CENPP: variants seen among roughly 807,000 people sequenced by gnomAD.
CENPP encodes the protein centromere protein P.
In CENPP, 24 loss-of-function variants were observed where a neutral mutation model predicts 35.6. The ratio of observed to expected loss-of-function variants is 0.67; its 90% CI spans 0.49 to 0.95. The LOEUF (loss-of-function observed/expected upper bound fraction) is 0.95. Among genes scored for constraint, CENPP ranks in the 40% least tolerant of loss-of-function variants. The pLI, the probability that CENPP is intolerant of heterozygous loss-of-function variation, is 0.00. For missense variants in CENPP, 332 were observed against 345.3 expected, an observed-to-expected ratio of 0.96 and a Z score of 0.31; for synonymous variants, 120 against 125.5, an observed-to-expected ratio of 0.96 and a Z score of 0.29.
Position 92,613,038 on chromosome 9 carries a change from C to T in CENPP, c.756C>T (p.Asn252=), listed in dbSNP as rs199612866. The T allele has an allele frequency of 6.2e-7, 1 of 1,614,160 alleles. No homozygotes were observed. Reference sequence around the variant, plus strand: ...TTATAGCCCTGGAGCTGGACAAGAACAGAGCCATAGAAACTGCTCCTCTCA... The same window carrying T: ...TTATAGCCCTGGAGCTGGACAAGAATAGAGCCATAGAAACTGCTCCTCTCA... The part of the protein sequence containing the change: ...VPQRALELDK[N]RAIETAPLSF... The change falls in exon 8 of 8, where the codon AAC becomes AAT. Residue 252 remains asparagine (N), a synonymous_variant. Transcript: ENST00000375587.
intron 5 of CENPP, among the ~76,000 whole-genome samples, chr9:92,447,046 C>T (rs1844569875): frequency 6.6e-6 from 1 of 152,090 alleles, no homozygotes; most frequent in South Asian, 2.1e-4. Flanking sequence ...GAATGAGTTG[C>T]TTGCATGATT....
rs1202835632 is a variant in CENPP, at chr9:92,497,449, AC to A, written c.565-113861del. 3.3e-5 allele frequency among the ~76,000 whole-genome samples: 5 copies of A among 151,708 alleles called. No homozygotes were observed. In the East Asian group the frequency reaches 5.8e-4, roughly 18 times the overall value. ...AGACCAGCCTGACCAACATGGAGAA[AC>A]CCCGTCTCTACTGAAAATACAAAAT... On this transcript the variant is annotated intron_variant, in intron 5 of 7. Coordinates refer to ENST00000375587, the MANE Select transcript of CENPP (RefSeq NM_001012267.3).
chr9:92,451,647 A>G (rs564507908), intron 5 of CENPP, among the ~76,000 whole-genome samples: 4,974 of 152,114 alleles, frequency 0.033, 118 homozygotes, highest in Non-Finnish European at 0.048. Context: ...AGTCATTGGT[A>G]GCTTGATGGG....
In CENPP at chr9:92,350,161, G is replaced by A. The variant is rs75849743; in HGVS notation, c.467+4374G>A. On this transcript the variant is annotated intron_variant, in intron 4 of 7. Transcript: ENST00000375587. ...TTATCCTAAATTTCTCTTTGTGTTC[G>A]CTTTATACTTGAGAAGGAGACATTT... Among the ~76,000 whole-genome samples the A allele has an allele frequency of 7.4e-3, 1,127 of 152,156 alleles. 12 individuals are homozygous for A. Among genetic ancestry groups the A allele is most frequent in the Middle Eastern group, 0.031 (9 of 294 alleles).
chr9:92,392,963 A>T (rs1457702060), intron 5 of CENPP: 1 of 670,668 alleles, frequency 1.5e-6, no homozygotes, highest in Non-Finnish European at 2.5e-6. Context: ...AACATGTTAG[A>T]TATTTATGTA....
At chr9:92,481,797 A>T (rs1361717431) in intron 5 of CENPP, among the ~76,000 whole-genome samples, 2 of 152,194 alleles carry the variant, frequency 1.3e-5, no homozygotes, top group Admixed American at 1.3e-4. Flanking sequence ...CAAGGAAAAA[A>T]ATGAATATTC....
At position 92,379,843 on chromosome 9, in the gene CENPP, C is replaced by A; in HGVS notation, c.548C>A (p.Thr183Lys). ...GAGTGGTTTGAATATCGTAAGCGCACGTTTAAACATCTCAAGGTAAAGTCT... is the reference window on the plus strand; with the variant it reads ...GAGTGGTTTGAATATCGTAAGCGCAAGTTTAAACATCTCAAGGTAAAGTCT... ...FVEWFEYRKR[T>K]FKHLKEKYPD... The change falls in exon 5 of 8, where the codon ACG becomes AAG. Residue 183 changes from threonine (T) to lysine (K), a missense_variant. Physicochemically the swap from Thr to Lys is moderately conservative, Grantham distance 78. Transcript: ENST00000375587. 6.2e-7 allele frequency: 1 copy of A among 1,607,894 alleles called. No individual in the cohort carries two copies. The highest frequency in any genetic ancestry group is 8.5e-7 in the Non-Finnish European group (1 of 1,174,464).
chr9:92,409,716 C>T (rs1411798074), intron 5 of CENPP, among the ~76,000 whole-genome samples: 1 of 152,052 alleles, frequency 6.6e-6, no homozygotes. Flanking sequence ...TACAGTTTAA[C>T]CTATTAGCTA....
intron 5 of CENPP, among the ~76,000 whole-genome samples, chr9:92,555,455 C>T (rs984725293): frequency 6.6e-6 from 1 of 151,780 alleles, no homozygotes; most frequent in African/African-American, 2.4e-5. Flanking sequence ...TCTCGAACTC[C>T]TGAACTCAGG....
intron 5 of CENPP, among the ~76,000 whole-genome samples, chr9:92,407,881 A>G (rs545846374): frequency 9.4e-4 from 143 of 152,282 alleles, no homozygotes; most frequent in Non-Finnish European, 4.4e-4. Context: ...GAGTTCTTTT[A>G]GGTGACCCTA....
chr9:92,585,378 T>A (rs997975990), intron 5 of CENPP, among the ~76,000 whole-genome samples: 1 of 152,226 alleles, frequency 6.6e-6, no homozygotes, highest in Non-Finnish European at 1.5e-5. Context: ...AAAGTCTGGC[T>A]CCATTTTTGA....
Position 92,619,082 on chromosome 9 carries a change from G to T in CENPP, c.*5933G>T, listed in dbSNP as rs959734709. The T allele has an allele frequency of 8.9e-6, 2 of 225,876 alleles. No homozygotes were observed. Among genetic ancestry groups the T allele is most frequent in the Non-Finnish European group, 1.8e-5 (2 of 112,510 alleles). The allele number at this position is 225,876 out of a possible 1,614,324, so 14.0% of individuals were successfully genotyped here. On this transcript the variant is annotated 3_prime_UTR_variant, in exon 8 of 8. Transcript: ENST00000375587. ...CACAGGCTTTCAAATGACTGTGGTGGTAAAAAGGCAGGTGCGCCATGCTGC... is the reference window on the plus strand; with the variant it reads ...CACAGGCTTTCAAATGACTGTGGTGTTAAAAAGGCAGGTGCGCCATGCTGC...
intron 5 of CENPP, among the ~76,000 whole-genome samples, chr9:92,559,372 C>T (rs1043764991): frequency 1.3e-5 from 2 of 152,182 alleles, no homozygotes; most frequent in Non-Finnish European, 2.9e-5. Context: ...GGAAACTTCT[C>T]CCGCAAACAG....
At chr9:92,472,181 A>G (rs1024197902) in intron 5 of CENPP, among the ~76,000 whole-genome samples, 8 of 150,610 alleles carry the variant, frequency 5.3e-5, no homozygotes, top group Admixed American at 3.3e-4. Context: ...GGTGAAAGAA[A>G]CCCCGTCTCT....
chr9:92,416,814 G>C, intron 5 of CENPP: 1 of 1,613,810 alleles, frequency 6.2e-7, no homozygotes, highest in Non-Finnish European at 8.5e-7. Context: ...TATTTTTCGG[G>C]TATAGAAGAA....
At chr9:92,573,176 C>T (rs901239506) in intron 5 of CENPP, among the ~76,000 whole-genome samples, 2 of 152,184 alleles carry the variant, frequency 1.3e-5, no homozygotes, top group African/African-American at 4.8e-5. Context: ...AAGAGGCGTT[C>T]TGATTTTTAG....
At chr9:92,352,505 G>GTGTGTGTATATATA in intron 4 of CENPP, among the ~76,000 whole-genome samples, 2 of 49,794 alleles carry the variant, frequency 4.0e-5, no homozygotes, top group African/African-American at 3.6e-4. Flanking sequence ...GTGTGTGTGT[G>GTGTGTGTATATATA]TATACATATA....
intron 5 of CENPP, chr9:92,539,280 CA>C (rs1355695477): frequency 1.1e-4 from 17 of 152,260 alleles, no homozygotes; most frequent in African/African-American, 4.1e-4. Flanking sequence ...AGGTGACTTT[CA>C]TGTTGAATTG....
At chr9:92,602,389 A>G (rs541769766) in intron 5 of CENPP, among the ~76,000 whole-genome samples, 1 of 152,330 alleles carries the variant, frequency 6.6e-6, no homozygotes, top group South Asian at 2.1e-4. Flanking sequence ...TCAGGAGTGG[A>G]CAGTGGTCTC....
Sources: gnomAD v4.1 joint callset for allele counts (sites outside exome capture counted in the v4.1 genomes callset) on GRCh38, gnomAD v4.1.1 for gene constraint, MANE v1.5 for transcripts, NCBI Gene and HGNC (gene_info 2026-07-23, HGNC 2026-07-21) for gene names.